The following NLGN1 variants were observed in gnomAD, a reference collection of about 807,000 sequenced individuals.
NLGN1 encodes neuroligin-1.
A neutral mutation model predicts 65.5 loss-of-function variants in NLGN1; 12 were observed. The ratio of observed to expected loss-of-function variants is 0.18; its 90% CI spans 0.12 to 0.30. The LOEUF (loss-of-function observed/expected upper bound fraction) is 0.30, where lower values mean the gene tolerates loss of function less well. Among genes scored for constraint, NLGN1 ranks in the 10% least tolerant of loss-of-function variants. NLGN1 has a pLI of 1.00. For synonymous variants in NLGN1, 350 were observed against 359.5 expected, an observed-to-expected ratio of 0.97 and a Z score of 0.30; for missense variants, 750 against 1,007.1, an observed-to-expected ratio of 0.74 and a Z score of 3.46.
intron 4 of NLGN1, among the ~76,000 whole-genome samples, chr3:174,034,626 T>C (rs1022952167): frequency 6.6e-6 from 1 of 152,074 alleles, no homozygotes; most frequent in African/African-American, 2.4e-5. Flanking sequence ...TAGACATCGA[T>C]TAGTTTAAAA....
intron 3 of NLGN1, among the ~76,000 whole-genome samples, chr3:173,665,695 G>T (rs1189930731): frequency 6.6e-6 from 1 of 152,008 alleles, no homozygotes; most frequent in Admixed American, 6.6e-5. Context: ...ACATAAAAAA[G>T]TTAAAAAGAT....
At chr3:173,964,551 A>G (rs1714368743) in intron 4 of NLGN1, among the ~76,000 whole-genome samples, 1 of 152,228 alleles carries the variant, frequency 6.6e-6, no homozygotes, top group Admixed American at 6.5e-5. Flanking sequence ...ATATCAAAGC[A>G]GTTCTTAACA....
chr3:174,036,758 C>G (rs1450816049), intron 4 of NLGN1, among the ~76,000 whole-genome samples: 1 of 152,030 alleles, frequency 6.6e-6, no homozygotes, highest in Admixed American at 6.6e-5. Flanking sequence ...TCTGCCCACC[C>G]TGTGCCCTCC....
At chr3:174,081,594 G>GTT (rs1560997023) in intron 4 of NLGN1, among the ~76,000 whole-genome samples, 1 of 130,302 alleles carries the variant, frequency 7.7e-6, no homozygotes, top group Non-Finnish European at 1.5e-5. Flanking sequence ...TAGTGATTAG[G>GTT]TTGTTTTTTT....
chr3:173,528,728 T>C (rs571778509), intron 2 of NLGN1, among the ~76,000 whole-genome samples: 7 of 152,304 alleles, frequency 4.6e-5, no homozygotes, highest in African/African-American at 4.8e-5. Context: ...CTTGGTCTAG[T>C]CTACTCTTAA....
At chr3:173,979,813 T>C (rs1380318848) in intron 4 of NLGN1, among the ~76,000 whole-genome samples, 1 of 152,106 alleles carries the variant, frequency 6.6e-6, no homozygotes, top group African/African-American at 2.4e-5. Flanking sequence ...TCCAGATGAG[T>C]AGATTGTGAG....
chr3:173,758,502 T>G (rs972829332), intron 3 of NLGN1, among the ~76,000 whole-genome samples: 1 of 152,086 alleles, frequency 6.6e-6, no homozygotes, highest in African/African-American at 2.4e-5. Context: ...CCATCTGATC[T>G]TGTAGCTTTC....
At chr3:173,627,183 T>G (rs183709743) in intron 3 of NLGN1, among the ~76,000 whole-genome samples, 1 of 152,242 alleles carries the variant, frequency 6.6e-6, no homozygotes, top group Non-Finnish European at 1.5e-5. Flanking sequence ...TGTACAATGT[T>G]TGTATCCTTT....
At chr3:173,544,290 G>GTGTGTGTGTGTGTGAA (rs1421513873) in intron 2 of NLGN1, among the ~76,000 whole-genome samples, 2 of 151,418 alleles carry the variant, frequency 1.3e-5, no homozygotes, top group African/African-American at 4.9e-5. Flanking sequence ...GTGTGTGTGT[G>GTGTGTGTGTGTGTGAA]TGAATTACTC....
chr3:173,660,197 G>A (rs1760725315), intron 3 of NLGN1, among the ~76,000 whole-genome samples: 1 of 151,858 alleles, frequency 6.6e-6, no homozygotes, highest in Admixed American at 6.6e-5. Context: ...CACAGTGAAA[G>A]CATCTAGAGG....
At chr3:173,869,210 A>T (rs2150856340) in intron 4 of NLGN1, among the ~76,000 whole-genome samples, 1 of 152,322 alleles carries the variant, frequency 6.6e-6, no homozygotes, top group Non-Finnish European at 1.5e-5. Context: ...TTTAAATGGC[A>T]GAATCATGCA....
At chr3:173,690,259 A>G (rs1442153388) in intron 3 of NLGN1, among the ~76,000 whole-genome samples, 1 of 152,196 alleles carries the variant, frequency 6.6e-6, no homozygotes, top group African/African-American at 2.4e-5. Context: ...TCAAGTGAAG[A>G]GGACTGCTGA....
At chr3:174,170,504 A>C (rs1561209418) in intron 4 of NLGN1, among the ~76,000 whole-genome samples, 1 of 152,204 alleles carries the variant, frequency 6.6e-6, no homozygotes. Flanking sequence ...AAAGTACTTC[A>C]AACAGTCCTC....
intron 3 of NLGN1, among the ~76,000 whole-genome samples, chr3:173,703,816 T>C (rs1471536545): frequency 6.6e-6 from 1 of 152,222 alleles, no homozygotes; most frequent in Non-Finnish European, 1.5e-5. Flanking sequence ...ATTTAGAGGC[T>C]TCTTTATCTC....
At chr3:174,127,773 G>T (rs763355424) in intron 4 of NLGN1, among the ~76,000 whole-genome samples, 1 of 152,026 alleles carries the variant, frequency 6.6e-6, no homozygotes, top group Non-Finnish European at 1.5e-5. Flanking sequence ...CAATAAGTTG[G>T]GTCCATTTAA....
At chr3:173,667,737 C>T (rs1761910831) in intron 3 of NLGN1, among the ~76,000 whole-genome samples, 3 of 152,126 alleles carry the variant, frequency 2.0e-5, no homozygotes, top group Admixed American at 2.0e-4. Context: ...TCAAGTGATT[C>T]TCCTGCCTCA....
chr3:174,017,385 A>G (rs889188742), intron 4 of NLGN1, among the ~76,000 whole-genome samples: 1 of 152,128 alleles, frequency 6.6e-6, no homozygotes, highest in African/African-American at 2.4e-5. Context: ...GTGTATAGTA[A>G]ATCATTTCTT....
chr3:174,032,378 A>T, intron 4 of NLGN1, among the ~76,000 whole-genome samples: 1 of 152,172 alleles, frequency 6.6e-6, no homozygotes. Context: ...GATGGGCCCC[A>T]GGCATCAGTT....
intron 4 of NLGN1, among the ~76,000 whole-genome samples, chr3:173,878,770 T>C (rs1291950055): frequency 6.6e-6 from 1 of 150,592 alleles, no homozygotes; most frequent in Non-Finnish European, 1.5e-5. Flanking sequence ...AATAGGGATA[T>C]AGCAGAGAAG....
Sources: gnomAD v4.1 joint callset for allele counts (sites outside exome capture counted in the v4.1 genomes callset) on GRCh38, gnomAD v4.1.1 for gene constraint, MANE v1.5 for transcripts, NCBI Gene and HGNC (gene_info 2026-07-23, HGNC 2026-07-21) for gene names.